Variants in SLC8A3 observed in about 807,000 individuals in gnomAD.
SLC8A3 encodes sodium/calcium exchanger 3.
A neutral mutation model predicts 65.4 loss-of-function variants in SLC8A3; 37 were observed. The ratio of observed to expected loss-of-function variants is 0.57; its 90% CI spans 0.44 to 0.74. The LOEUF (loss-of-function observed/expected upper bound fraction) is 0.74, where lower values mean the gene tolerates loss of function less well. SLC8A3 is among the 30% of genes least tolerant of loss of function. The probability of loss-of-function intolerance (pLI) is 0.00; values close to 1 mark genes in which losing one functional copy is unlikely to be tolerated. For synonymous variants in SLC8A3, 461 were observed against 444.5 expected (o/e 1.04, Z -0.47); for missense variants, 1,112 against 1,172.1 (o/e 0.95, Z 0.75).
chr14:70,105,095 C>T (rs1201088743), intron 2 of SLC8A3, among the ~76,000 whole-genome samples: 2 of 152,078 alleles, frequency 1.3e-5, no homozygotes, highest in South Asian at 2.1e-4. Context: ...TTTGGGAGGC[C>T]GAGGCAGGTG....
At chr14:70,125,797 G>A (rs900435891) in intron 2 of SLC8A3, among the ~76,000 whole-genome samples, 1 of 152,110 alleles carries the variant, frequency 6.6e-6, no homozygotes, top group Non-Finnish European at 1.5e-5. Context: ...ACTCATGTCT[G>A]GGCCTCATCC....
intron 1 of SLC8A3, among the ~76,000 whole-genome samples, chr14:70,175,838 G>A (rs575895087): frequency 6.5e-4 from 98 of 150,998 alleles, no homozygotes; most frequent in African/African-American, 2.3e-3. Context: ...AGGATCAAGC[G>A]ATTCTCCTGC....
At chr14:70,160,403 C>T (rs899253661) in intron 2 of SLC8A3, among the ~76,000 whole-genome samples, 6 of 152,218 alleles carry the variant, frequency 3.9e-5, no homozygotes, top group African/African-American at 1.4e-4. Flanking sequence ...GAGTGACAGC[C>T]TGGGCGACAG....
intron 1 of SLC8A3, among the ~76,000 whole-genome samples, chr14:70,187,480 A>G (rs1427836251): frequency 1.3e-5 from 2 of 152,074 alleles, no homozygotes; most frequent in African/African-American, 4.8e-5. Context: ...AAGACGAAGA[A>G]CTGCTTTTTT....
In SLC8A3 at chr14:70,045,958, T is replaced by C. The variant is rs751449976; in HGVS notation, c.2755A>G (p.Lys919Glu). 5 of 1,593,874 alleles carry C rather than the reference T, an allele frequency of 3.1e-6. No individual in the cohort carries two copies. In the South Asian group the frequency reaches 5.6e-5, roughly 18 times the overall value. ...FATLEAYCYIKGF is the reference protein window; with the variant it reads ...FATLEAYCYIEGF ...CTCTGTTGTGTGGCTTAGAACCCCT[T>C]GATGTAGCAATAGGCCTCTAGTGTG... Residue 919 changes from lysine to glutamate, a missense_variant, in exon 7 of 7, where the codon AAG (lysine) becomes GAG (glutamate). Physicochemically the swap from Lys to Glu is moderately conservative, Grantham distance 56. Coordinates refer to ENST00000356921, the MANE Select transcript of SLC8A3 (RefSeq NM_182932.3).
At chr14:70,076,581 T>C (rs1197922079) in intron 2 of SLC8A3, among the ~76,000 whole-genome samples, 2 of 152,224 alleles carry the variant, frequency 1.3e-5, no homozygotes, top group African/African-American at 4.8e-5. Context: ...CACACTTGGC[T>C]GGTCTCCCTG....
At chr14:70,107,457 C>T (rs1277901443) in intron 2 of SLC8A3, among the ~76,000 whole-genome samples, 1 of 151,994 alleles carries the variant, frequency 6.6e-6, no homozygotes, top group Non-Finnish European at 1.5e-5. Flanking sequence ...ACAAGGGCAC[C>T]CAAGGCATTT....
intron 2 of SLC8A3, among the ~76,000 whole-genome samples, chr14:70,116,321 CTGTG>C (rs55890014): frequency 0.28 from 41,316 of 147,612 alleles, 6,101 homozygotes; most frequent in East Asian, 0.42. Context: ...ATTGAGAACA[CTGTG>C]TGTGTGTGTG....
At chr14:70,174,703 C>T (rs915036456) in intron 1 of SLC8A3, among the ~76,000 whole-genome samples, 1 of 120,718 alleles carries the variant, frequency 8.3e-6, no homozygotes, top group Non-Finnish European at 1.6e-5. Context: ...CTATTAAGGC[C>T]AAACACTGTG....
intron 2 of SLC8A3, among the ~76,000 whole-genome samples, chr14:70,140,499 G>T (rs1215862678): frequency 6.6e-6 from 1 of 152,168 alleles, no homozygotes; most frequent in Non-Finnish European, 1.5e-5. Context: ...AGATGTGTTT[G>T]CAGGATATAC....
At chr14:70,144,216 G>T (rs1160158218) in intron 2 of SLC8A3, among the ~76,000 whole-genome samples, 1 of 149,844 alleles carries the variant, frequency 6.7e-6, no homozygotes, top group Non-Finnish European at 1.5e-5. Flanking sequence ...GTCTCCGTCT[G>T]TTGCCACAGC....
chr14:70,098,679 C>T (rs1279548585), intron 2 of SLC8A3, among the ~76,000 whole-genome samples: 1 of 152,198 alleles, frequency 6.6e-6, no homozygotes. Flanking sequence ...AAAAGCCACA[C>T]CGTGTGAGCT....
chr14:70,146,041 C>T (rs919467573), intron 2 of SLC8A3, among the ~76,000 whole-genome samples: 1 of 152,110 alleles, frequency 6.6e-6, no homozygotes, highest in African/African-American at 2.4e-5. Flanking sequence ...TAGAAGATGT[C>T]CCCAGGAGCA....
chr14:70,166,148 A>T (rs17175939), intron 2 of SLC8A3, among the ~76,000 whole-genome samples: 16,233 of 152,306 alleles, frequency 0.11, 1,168 homozygotes, highest in Non-Finnish European at 0.16. Context: ...GCAATATAGT[A>T]CCAGGGAACA....
At chr14:70,117,524 G>A (rs559773171) in intron 2 of SLC8A3, among the ~76,000 whole-genome samples, 3 of 152,324 alleles carry the variant, frequency 2.0e-5, no homozygotes, top group African/African-American at 7.2e-5. Flanking sequence ...CCTGCAACAC[G>A]AGTTATCAAC....
At chr14:70,180,915 A>C (rs2332270) in intron 1 of SLC8A3, among the ~76,000 whole-genome samples, 15,976 of 152,200 alleles carry the variant, frequency 0.1, 1,129 homozygotes, top group African/African-American at 0.19. Flanking sequence ...TTGACTGGCC[A>C]AGTTGATCTC....
chr14:70,067,936 C>CT (rs1159376286), intron 2 of SLC8A3, among the ~76,000 whole-genome samples: 1 of 152,198 alleles, frequency 6.6e-6, no homozygotes, highest in East Asian at 1.9e-4. Context: ...GCCAGTAATG[C>CT]TGTCAGAGGC....
intron 1 of SLC8A3, among the ~76,000 whole-genome samples, chr14:70,174,651 GTTTT>G (rs1286502376): frequency 1.1e-5 from 1 of 90,364 alleles, no homozygotes; most frequent in African/African-American, 4.9e-5. Context: ...GACCAAATCC[GTTTT>G]TTTTTTGTTT....
At chr14:70,137,906 C>G (rs1051878293) in intron 2 of SLC8A3, among the ~76,000 whole-genome samples, 2 of 151,174 alleles carry the variant, frequency 1.3e-5, no homozygotes, top group Non-Finnish European at 2.9e-5. Flanking sequence ...CTTAGCATGG[C>G]TTGTCCTTTA....
Sources: gnomAD v4.1 joint callset for allele counts (sites outside exome capture counted in the v4.1 genomes callset) on GRCh38, gnomAD v4.1.1 for gene constraint, MANE v1.5 for transcripts, NCBI Gene and HGNC (gene_info 2026-07-23, HGNC 2026-07-21) for gene names.